Variants in KIF3C observed in about 807,000 individuals in gnomAD.
KIF3C encodes kinesin family member 3C, also known as kinesin-like protein KIF3C.
A neutral mutation model predicts 67.7 loss-of-function variants in KIF3C; 12 were observed. That is an observed-to-expected ratio of 0.18 (90% CI 0.11 to 0.29). KIF3C has a LOEUF of 0.29. Among genes scored for constraint, KIF3C ranks in the 10% least tolerant of loss-of-function variants. The probability of loss-of-function intolerance (pLI) is 1.00; values close to 1 mark genes in which losing one functional copy is unlikely to be tolerated. For synonymous variants in KIF3C, 393 were observed against 426.2 expected, an observed-to-expected ratio of 0.92 and a Z score of 0.96; for missense variants, 789 against 1,059.6, an observed-to-expected ratio of 0.74 and a Z score of 3.55.
chr2:25,944,959 C>T (rs1448294545), intron 5 of KIF3C, among the ~76,000 whole-genome samples: 1 of 151,906 alleles, frequency 6.6e-6, no homozygotes, highest in Non-Finnish European at 1.5e-5. Flanking sequence ...GGCGAAACCC[C>T]GCCTCTTCTA....
In KIF3C at chr2:25,980,026, C is replaced by T. The variant is rs1038094823; in HGVS notation, c.1545+347G>A. Among the ~76,000 whole-genome samples, 1 of 152,198 alleles carries T rather than the reference C, an allele frequency of 6.6e-6. No individual in the cohort carries two copies. Among genetic ancestry groups the T allele is most frequent in the Admixed American group, 6.5e-5 (1 of 15,280 alleles). The stretch of plus-strand genomic sequence containing the variant: ...CTCAGGGGAGGAGGCTGTGAAGGAA[C>T]AAGAACCCACATTCACAAGAGGCTG... On this transcript the variant is annotated intron_variant, in intron 1 of 7. Transcript: ENST00000264712. This position sits in a 1 kb window ranked among gnomAD's most constrained non-coding sequence, Gnocchi z 7.6.
intron 5 of KIF3C, among the ~76,000 whole-genome samples, chr2:25,934,371 G>C (rs2090487360): frequency 6.6e-6 from 1 of 152,058 alleles, no homozygotes; most frequent in African/African-American, 2.4e-5. Context: ...TTGAGGTCAG[G>C]AGTTCGAGAC....
rs1201590328 is a variant in KIF3C, at chr2:25,928,184, G to A, written c.*794C>T. The stretch of plus-strand genomic sequence containing the variant: ...TCGACCAAAATGACTCCTCGGAGGG[G>A]ACAGAAACAAAGGAATCCAGTGGAG... On this transcript the variant is annotated 3_prime_UTR_variant, in exon 8 of 8. Coordinates refer to ENST00000264712, the MANE Select transcript of KIF3C (RefSeq NM_002254.8). 2 of 152,188 alleles carry A rather than the reference G, an allele frequency of 1.3e-5. No individual in the cohort carries two copies. Among genetic ancestry groups the A allele is most frequent in the African/African-American group, 4.8e-5 (2 of 41,444 alleles). 9.4% of individuals were successfully genotyped at this position (152,188 alleles called of 1,614,324 possible). A position where few individuals can be genotyped will look rare whatever the true frequency, so the allele number is the denominator to read the frequency against.
chr2:25,974,989 C>T (rs1040838396), intron 1 of KIF3C, among the ~76,000 whole-genome samples: 11 of 141,356 alleles, frequency 7.8e-5, no homozygotes, highest in Non-Finnish European at 6.1e-5. Flanking sequence ...TCACACCATT[C>T]CACTCCAGCC....
At chr2:25,950,041 C>A (rs1663554287) in intron 5 of KIF3C, among the ~76,000 whole-genome samples, 1 of 151,426 alleles carries the variant, frequency 6.6e-6, no homozygotes, top group Non-Finnish European at 1.5e-5. Context: ...CAGGTGCATG[C>A]CACCACACCC....
At chr2:25,956,883 C>A (rs545977731) in intron 1 of KIF3C, among the ~76,000 whole-genome samples, 1 of 152,272 alleles carries the variant, frequency 6.6e-6, no homozygotes, top group South Asian at 2.1e-4. Flanking sequence ...GCTCTCAACA[C>A]AGGCAGCAGG....
At chr2:25,964,339 A>G (rs1664086852) in intron 1 of KIF3C, among the ~76,000 whole-genome samples, 2 of 152,224 alleles carry the variant, frequency 1.3e-5, no homozygotes, top group African/African-American at 2.4e-5. Context: ...ATTTGTTATA[A>G]TAATAGATAT....
At chr2:25,952,563 ATTTTT>A (rs371570181) in intron 4 of KIF3C, among the ~76,000 whole-genome samples, 26 of 103,716 alleles carry the variant, frequency 2.5e-4, no homozygotes, top group African/African-American at 1.1e-3. Flanking sequence ...ATATATATAT[ATTTTT>A]TTTTTTTTGA....
Position 25,981,864 on chromosome 2 carries a change from G to C in KIF3C, c.54C>G (p.Arg18=). 1 of 1,595,974 alleles carries C rather than the reference G, an allele frequency of 6.3e-7. No individual in the cohort carries two copies. The highest frequency in any genetic ancestry group is 1.1e-5 in the South Asian group (1 of 89,144). ...SEALKVVARC[R]PLSRKEEAAG... ...CAGCCTCCTCCTTCCTGCTGAGGGG[G>C]CGGCACCGGGCCACCACCTTGAGGG... The change falls in exon 1 of 8, where the codon CGC becomes CGG. Residue 18 remains arginine (R), a synonymous_variant. Transcript: ENST00000264712. This position sits in a 1 kb window ranked among gnomAD's most constrained non-coding sequence, Gnocchi z 8.2.
rs1663790267 is a variant in KIF3C at position 25,955,725 on chromosome 2, G to A, written c.1648-62C>T. ...GTGCATACTCGGGAGGGCCAGGAAA[G>A]CTCAGGGGACTGGCTCACTCTGCCT... On this transcript the variant is annotated intron_variant, in intron 2 of 7. Coordinates refer to ENST00000264712, the MANE Select transcript of KIF3C (RefSeq NM_002254.8). The surrounding 1 kb of genome is among the most constrained non-coding windows in gnomAD (Gnocchi z 5.0). 1 of 1,591,522 alleles carries A rather than the reference G, an allele frequency of 6.3e-7. No individual in the cohort carries two copies.
intron 1 of KIF3C, among the ~76,000 whole-genome samples, chr2:25,964,257 G>C (rs570396972): frequency 6.6e-6 from 1 of 152,146 alleles, no homozygotes; most frequent in South Asian, 2.1e-4. Flanking sequence ...TAGCACCACT[G>C]TACTCTAGCC....
intron 1 of KIF3C, among the ~76,000 whole-genome samples, chr2:25,978,960 T>C (rs559204176): frequency 1.4e-3 from 211 of 152,096 alleles, no homozygotes; most frequent in African/African-American, 4.8e-3. Context: ...AGAAGTGAAT[T>C]AAATATTAAA....
chr2:25,943,420 C>T (rs1337456405), intron 5 of KIF3C, among the ~76,000 whole-genome samples: 2 of 152,208 alleles, frequency 1.3e-5, no homozygotes, highest in Non-Finnish European at 2.9e-5. Flanking sequence ...TACTGTGCCC[C>T]ACCAGACTCT....
chr2:25,959,323 G>A (rs778625141), intron 1 of KIF3C, among the ~76,000 whole-genome samples: 1 of 152,112 alleles, frequency 6.6e-6, no homozygotes, highest in Non-Finnish European at 1.5e-5. Context: ...CCCCCTGTGA[G>A]CTCCCTCATG....
intron 1 of KIF3C, among the ~76,000 whole-genome samples, chr2:25,978,300 C>A (rs559381591): frequency 6.6e-6 from 1 of 152,272 alleles, no homozygotes; most frequent in East Asian, 1.9e-4. Context: ...TAGTACCCAC[C>A]CCTTGGGGTT....
At position 25,956,558 on chromosome 2, in the gene KIF3C, G is replaced by A. The variant is rs559628543; in HGVS notation, c.1546-114C>T. On this transcript the variant is annotated intron_variant, in intron 1 of 7. Transcript: ENST00000264712. ...CCTTCTGGGAGTGGACACCAGATGT[G>A]TCCCAGATGGGGCCTTGTGGCTTTC... is the stretch of plus-strand genomic sequence containing the variant. 2.3e-4 allele frequency: 170 copies of A among 739,020 alleles called. No homozygotes were observed. The African/African-American group carries it at 2.6e-3, about 11-fold the overall frequency. The allele number at this position is 739,020 out of a possible 1,614,324, so 45.8% of individuals were successfully genotyped here. A position where few individuals can be genotyped will look rare whatever the true frequency, so the allele number is the denominator to read the frequency against.
chr2:25,956,885 G>C (rs972477191), intron 1 of KIF3C, among the ~76,000 whole-genome samples: 7 of 152,176 alleles, frequency 4.6e-5, no homozygotes, highest in African/African-American at 1.7e-4. Flanking sequence ...TCTCAACACA[G>C]GCAGCAGGAA....
chr2:25,953,669 TTTG>T (rs1663711816), intron 4 of KIF3C, among the ~76,000 whole-genome samples: 1 of 113,960 alleles, frequency 8.8e-6, no homozygotes, highest in African/African-American at 3.7e-5. Flanking sequence ...CTTTTTTGTT[TTTG>T]TTTTTTTTTT....
intron 5 of KIF3C, among the ~76,000 whole-genome samples, chr2:25,935,949 C>T (rs558737305): frequency 9.2e-5 from 14 of 151,672 alleles, no homozygotes; most frequent in African/African-American, 2.2e-4. Flanking sequence ...TAGCCAGGCA[C>T]GCTGGCACAC....
Sources: allele counts gnomAD v4.1 joint callset (sites outside exome capture counted in the v4.1 genomes callset), GRCh38; gene constraint gnomAD v4.1.1; non-coding constraint Gnocchi (gnomAD v3.1); transcripts MANE v1.5; gene names NCBI Gene and HGNC (gene_info 2026-07-23, HGNC 2026-07-21).